The following RANBP2 variants were observed in gnomAD, a reference collection of about 807,000 sequenced individuals.
RANBP2 encodes the protein E3 SUMO-protein ligase RanBP2.
Under a neutral mutation model 303.6 loss-of-function variants are expected in RANBP2, and 57 were observed. The observed-to-expected ratio is 0.19, with a 90% CI of 0.15 to 0.23. RANBP2 has a LOEUF of 0.23. RANBP2 is among the 10% of genes least tolerant of loss of function. The pLI, the probability that RANBP2 is intolerant of heterozygous loss-of-function variation, is 1.00. For missense variants in RANBP2, 3,138 were observed against 3,780.8 expected, an observed-to-expected ratio of 0.83 and a Z score of 4.46; for synonymous variants, 1,167 against 1,301.5, an observed-to-expected ratio of 0.90 and a Z score of 2.23.
chr2:109,615,670 T>C, the RANBP2 span: 11 of 1,613,956 alleles, frequency 6.8e-6, no homozygotes, highest in Non-Finnish European at 8.5e-6. Context: ...AAGAACCTGG[T>C]GGGAGCCCTG....
At chr2:109,346,704 C>T in the RANBP2 span, among the ~76,000 whole-genome samples, 110 of 152,116 alleles carry the variant, frequency 7.2e-4, no homozygotes, top group Admixed American at 2.7e-3. Context: ...TTGACAGGCT[C>T]CTTATTGCTG....
chr2:109,647,770 C>T, the RANBP2 span, among the ~76,000 whole-genome samples: 4 of 152,168 alleles, frequency 2.6e-5, no homozygotes, highest in East Asian at 1.9e-4. Flanking sequence ...CCGCCCGGCT[C>T]GGCTCTCCTC....
At chr2:109,033,618 A>G in the RANBP2 span, among the ~76,000 whole-genome samples, 2 of 151,762 alleles carry the variant, frequency 1.3e-5, no homozygotes, top group African/African-American at 4.8e-5. Flanking sequence ...AGGGTATCTC[A>G]TTGTCTGGAT....
At chr2:109,724,839 C>G in the RANBP2 span, among the ~76,000 whole-genome samples, 2 of 152,120 alleles carry the variant, frequency 1.3e-5, no homozygotes, top group Admixed American at 1.3e-4. Context: ...TCTGAGACTC[C>G]AAAAGTAGGG....
At chr2:109,581,339 A>C in the RANBP2 span, among the ~76,000 whole-genome samples, 34 of 152,100 alleles carry the variant, frequency 2.2e-4, no homozygotes, top group African/African-American at 6.5e-4. Context: ...TGGGAGGCTG[A>C]GGCTTGAGAA....
chr2:109,646,657 A>ATTTT, the RANBP2 span, among the ~76,000 whole-genome samples: 4 of 119,016 alleles, frequency 3.4e-5, no homozygotes, highest in African/African-American at 9.6e-5. Flanking sequence ...ATGACTGGCT[A>ATTTT]TTTTTTTTTT....
the RANBP2 span, chr2:108,791,718 G>T: frequency 8.1e-6 from 13 of 1,606,624 alleles, no homozygotes; most frequent in Non-Finnish European, 1.1e-5. Context: ...GAAGAAACAG[G>T]AAACAGAAGA....
chr2:109,421,105 G>T, the RANBP2 span, among the ~76,000 whole-genome samples: 1 of 152,176 alleles, frequency 6.6e-6, no homozygotes, highest in Non-Finnish European at 1.5e-5. Flanking sequence ...GTGCCAAGGA[G>T]GCACATGGAA....
the RANBP2 span, among the ~76,000 whole-genome samples, chr2:109,142,924 G>A: frequency 5.3e-5 from 8 of 152,158 alleles, no homozygotes; most frequent in East Asian, 3.9e-4. Flanking sequence ...GACAATTGTC[G>A]TGCTGACAGA....
the RANBP2 span, among the ~76,000 whole-genome samples, chr2:109,748,746 G>A: frequency 2.0e-5 from 3 of 151,464 alleles, no homozygotes; most frequent in Admixed American, 6.6e-5. Context: ...GGTGGCATAT[G>A]CCTCTAATCC....
At chr2:109,704,403 A>G in the RANBP2 span, among the ~76,000 whole-genome samples, 1 of 152,060 alleles carries the variant, frequency 6.6e-6, no homozygotes, top group African/African-American at 2.4e-5. Flanking sequence ...TAAAAACCTT[A>G]GCTGGGTGTG....
chr2:108,931,002 C>T, the RANBP2 span: 1 of 1,614,016 alleles, frequency 6.2e-7, no homozygotes, highest in South Asian at 1.1e-5. Flanking sequence ...GTGCAGTCCC[C>T]CACATGGGCC....
chr2:108,835,776 G>T, the RANBP2 span, among the ~76,000 whole-genome samples: 1 of 152,110 alleles, frequency 6.6e-6, no homozygotes, highest in East Asian at 1.9e-4. Context: ...AGTACCAATT[G>T]TCTCTGTTTT....
chr2:109,518,760 A>T, the RANBP2 span, among the ~76,000 whole-genome samples: 1 of 152,074 alleles, frequency 6.6e-6, no homozygotes. Context: ...TTATAAAGAA[A>T]GGGGGTTTAT....
At chr2:109,469,140 C>T in the RANBP2 span, among the ~76,000 whole-genome samples, 1 of 152,178 alleles carries the variant, frequency 6.6e-6, no homozygotes, top group Non-Finnish European at 1.5e-5. Context: ...TCTTCTCCAC[C>T]CCAAGAATGC....
At chr2:108,844,141 G>A in the RANBP2 span, among the ~76,000 whole-genome samples, 5 of 152,070 alleles carry the variant, frequency 3.3e-5, no homozygotes, top group East Asian at 5.8e-4. Flanking sequence ...GAGTGCAACC[G>A]TGAGCCACCG....
At chr2:109,663,397 A>G in the RANBP2 span, among the ~76,000 whole-genome samples, 4 of 152,148 alleles carry the variant, frequency 2.6e-5, no homozygotes, top group Non-Finnish European at 5.9e-5. Flanking sequence ...TCAGCAATCC[A>G]CTGTGGAGTA....
the RANBP2 span, among the ~76,000 whole-genome samples, chr2:108,993,814 T>C: frequency 6.6e-6 from 1 of 152,230 alleles, no homozygotes; most frequent in Non-Finnish European, 1.5e-5. Context: ...CTTGGGCTGC[T>C]ATAACAAAAA....
chr2:108,824,689 T>C, the RANBP2 span, among the ~76,000 whole-genome samples: 2 of 152,222 alleles, frequency 1.3e-5, no homozygotes, highest in African/African-American at 4.8e-5. Context: ...TAGTCATTTA[T>C]TATCTTTATC....
Sources: gnomAD v4.1 joint callset for allele counts (sites outside exome capture counted in the v4.1 genomes callset) on GRCh38, gnomAD v4.1.1 for gene constraint, MANE v1.5 for transcripts, NCBI Gene and HGNC (gene_info 2026-07-23, HGNC 2026-07-21) for gene names.